KCNH5: variants seen among roughly 807,000 people sequenced by gnomAD.
KCNH5 encodes the protein voltage-gated delayed rectifier potassium channel KCNH5.
A neutral mutation model predicts 96.1 loss-of-function variants in KCNH5; 46 were observed. The observed-to-expected ratio is 0.48, with a 90% confidence interval of 0.38 to 0.61. The LOEUF is 0.61. Among genes scored for constraint, KCNH5 ranks in the 20% least tolerant of loss-of-function variants. KCNH5 has a pLI of 0.00. For synonymous variants in KCNH5, 439 were observed against 449.8 expected (o/e 0.98, Z 0.30); for missense variants, 907 against 1,225.8 (o/e 0.74, Z 3.88).
At chr14:62,896,691 C>T (rs545025084) in intron 7 of KCNH5, among the ~76,000 whole-genome samples, 6 of 152,026 alleles carry the variant, frequency 3.9e-5, no homozygotes, top group Admixed American at 1.3e-4. Flanking sequence ...GTATCCTGAT[C>T]AGAATTTAAA....
chr14:62,762,915 G>A (rs1334115716), intron 10 of KCNH5, among the ~76,000 whole-genome samples: 1 of 152,120 alleles, frequency 6.6e-6, no homozygotes, highest in Non-Finnish European at 1.5e-5. Context: ...GCAGTGCAAA[G>A]AGACTTAGAT....
intron 6 of KCNH5, among the ~76,000 whole-genome samples, chr14:62,975,661 C>T (rs986496013): frequency 6.6e-6 from 1 of 151,478 alleles, no homozygotes; most frequent in Non-Finnish European, 1.5e-5. Flanking sequence ...TAAGAGTAAT[C>T]GATTAACAGA....
At chr14:62,905,419 TATAAG>T (rs1436593401) in intron 7 of KCNH5, among the ~76,000 whole-genome samples, 2 of 152,216 alleles carry the variant, frequency 1.3e-5, no homozygotes, top group South Asian at 2.1e-4. Context: ...CCATAGTAAC[TATAAG>T]ATAAAAGTTT....
intron 9 of KCNH5, among the ~76,000 whole-genome samples, chr14:62,789,240 C>T (rs910806420): frequency 6.6e-5 from 10 of 152,112 alleles, no homozygotes; most frequent in African/African-American, 1.9e-4. Flanking sequence ...TTCATCCATG[C>T]TGTGGCAAAT....
Position 62,708,179 on chromosome 14 carries a change from C to T in KCNH5, c.2296G>A (p.Ala766Thr). The T allele has an allele frequency of 1.2e-6, 2 of 1,614,210 alleles. No homozygotes were observed. Among genetic ancestry groups the T allele is most frequent in the South Asian group, 1.1e-5 (1 of 91,084 alleles). ...AGGGATTCACTGGTTTTCACATAGG[C>T]CAGAGACGTCTGAATGGGAGTAATC... ...SQITPIQTSL[A>T]YVKTSESLKQ... The change falls in exon 11 of 11, where the codon GCC (alanine) becomes ACC (threonine). Residue 766 changes from alanine (A) to threonine (T), a missense_variant. Ala to Thr is a moderately conservative substitution (Grantham distance 58). Around this residue, in one of 6 missense-constraint regions of KCNH5, gnomAD observed 362 missense variants for 394.4 expected, o/e 0.92. Transcript: ENST00000322893.
intron 5 of KCNH5, among the ~76,000 whole-genome samples, chr14:62,986,613 G>A (rs1890713447): frequency 6.6e-6 from 1 of 151,934 alleles, no homozygotes; most frequent in South Asian, 2.1e-4. Flanking sequence ...CCCACATTTG[G>A]GCAAATTCTC....
At position 63,037,348 on chromosome 14, in the gene KCNH5, C is replaced by T. The variant is rs1891740172; in HGVS notation, c.73+7766G>A. On this transcript the variant is annotated intron_variant, in intron 1 of 10. Transcript: ENST00000322893. ...AACAGGAGAAACATTGTTTTTGTCA[C>T]TGTGTTCATTATGAATCCCTAGTGC... Among the ~76,000 whole-genome samples, 4 of 152,118 alleles carry T rather than the reference C, an allele frequency of 2.6e-5. No individual in the cohort carries two copies. The South Asian group carries it at 6.2e-4, about 24-fold the overall frequency.
chr14:62,829,601 G>T (rs1887299952), intron 8 of KCNH5, among the ~76,000 whole-genome samples: 1 of 152,144 alleles, frequency 6.6e-6, no homozygotes, highest in Admixed American at 6.5e-5. Flanking sequence ...TGGAGTATCT[G>T]GGATGCAGGG....
intron 2 of KCNH5, among the ~76,000 whole-genome samples, chr14:63,010,077 T>C (rs1891197456): frequency 6.6e-6 from 1 of 152,162 alleles, no homozygotes; most frequent in Admixed American, 6.5e-5. Context: ...ACTACTGCAC[T>C]GTTACTTTAT....
intron 8 of KCNH5, among the ~76,000 whole-genome samples, chr14:62,836,856 C>T (rs948586757): frequency 6.6e-5 from 10 of 152,164 alleles, no homozygotes; most frequent in South Asian, 2.1e-4. Context: ...CTGGAACATA[C>T]GGGGCATGGA....
At chr14:62,925,963 G>A (rs1308886904) in intron 7 of KCNH5, among the ~76,000 whole-genome samples, 2 of 152,058 alleles carry the variant, frequency 1.3e-5, no homozygotes, top group African/African-American at 4.8e-5. Context: ...GCATAGACAA[G>A]GTATTCTTCT....
intron 7 of KCNH5, among the ~76,000 whole-genome samples, chr14:62,931,200 TAGAC>T (rs1318509559): frequency 2.0e-5 from 3 of 152,072 alleles, no homozygotes; most frequent in Non-Finnish European, 4.4e-5. Flanking sequence ...ACAGGTTAAA[TAGAC>T]AGATATTATA....
chr14:62,921,048 C>G (rs908928840), intron 7 of KCNH5, among the ~76,000 whole-genome samples: 4 of 152,130 alleles, frequency 2.6e-5, no homozygotes, highest in African/African-American at 9.7e-5. Context: ...ATGGCTCTCT[C>G]TCTTTAGCTA....
chr14:63,012,809 A>G (rs1337386282), intron 2 of KCNH5, among the ~76,000 whole-genome samples: 2 of 151,956 alleles, frequency 1.3e-5, no homozygotes, highest in East Asian at 1.9e-4. Context: ...AACCATAAAT[A>G]TTACAGTGTG....
At chr14:62,893,853 A>G (rs1176927311) in intron 7 of KCNH5, among the ~76,000 whole-genome samples, 1 of 152,228 alleles carries the variant, frequency 6.6e-6, no homozygotes, top group Non-Finnish European at 1.5e-5. Context: ...AAATCAAACA[A>G]CATTGCATGC....
intron 8 of KCNH5, among the ~76,000 whole-genome samples, chr14:62,839,637 C>G (rs1033095550): frequency 6.6e-6 from 1 of 152,108 alleles, no homozygotes; most frequent in South Asian, 2.1e-4. Flanking sequence ...ATATTTTAAA[C>G]CATCATGACT....
chr14:62,868,042 T>C (rs768701833), intron 7 of KCNH5, among the ~76,000 whole-genome samples: 7 of 152,266 alleles, frequency 4.6e-5, no homozygotes, highest in Non-Finnish European at 8.8e-5. Flanking sequence ...GATCCGGCTG[T>C]TCTCTGTCAA....
At chr14:63,044,422 A>C (rs1170438875) in intron 1 of KCNH5, among the ~76,000 whole-genome samples, 1 of 152,236 alleles carries the variant, frequency 6.6e-6, no homozygotes, top group Non-Finnish European at 1.5e-5. Context: ...TTCTAGTTGC[A>C]TTAAAAGCAC....
chr14:62,919,118 T>A (rs1889332367), intron 7 of KCNH5, among the ~76,000 whole-genome samples: 2 of 152,088 alleles, frequency 1.3e-5, no homozygotes, highest in Non-Finnish European at 2.9e-5. Context: ...TAGTATAGTT[T>A]CATACATAAA....
Sources: gnomAD v4.1 joint callset for allele counts (sites outside exome capture counted in the v4.1 genomes callset) on GRCh38, gnomAD v4.1.1 for gene constraint, gnomAD v4.1.1 regional missense constraint, MANE v1.5 for transcripts, NCBI Gene and HGNC (gene_info 2026-07-23, HGNC 2026-07-21) for gene names.